CNTN6: variants seen among roughly 807,000 people sequenced by gnomAD.
CNTN6 encodes contactin 6.
Under a neutral mutation model 122.8 loss-of-function variants are expected in CNTN6, and 137 were observed. The ratio of observed to expected loss-of-function variants is 1.12; its 90% CI spans 0.97 to 1.29. CNTN6 has a LOEUF of 1.29. CNTN6 is among the 50% of genes most tolerant of loss of function. The probability of loss-of-function intolerance (pLI) is 0.00; values close to 1 mark genes in which losing one functional copy is unlikely to be tolerated. For synonymous variants in CNTN6, 570 were observed against 426.0 expected (o/e 1.34, Z -4.16); for missense variants, 1,634 against 1,223.4 (o/e 1.34, Z -5.01).
intron 5 of CNTN6, among the ~76,000 whole-genome samples, chr3:1,287,113 A>G (rs1694479714): frequency 6.6e-6 from 1 of 152,126 alleles, no homozygotes. Flanking sequence ...CTCCCACACA[A>G]TAATAGTGGG....
In CNTN6 at chr3:1,384,687, T is replaced by TACAC. The variant is rs1553710040; in HGVS notation, c.2518-913_2518-910dup. Among the ~76,000 whole-genome samples, 13 of 110,220 alleles carry TACAC rather than the reference T, an allele frequency of 1.2e-4. No individual in the cohort carries two copies. In the South Asian group the frequency reaches 2.9e-3, roughly 25 times the overall value. The allele number at this position is 110,220 out of a possible 152,430, so 72.3% of individuals were successfully genotyped here. A position where few individuals can be genotyped will look rare whatever the true frequency, so the allele number is the denominator to read the frequency against. Reference sequence around the variant, plus strand: ...TTGCCTATATATATATATATATATATACACACACACACACGTATACATATA... The same window carrying TACAC: ...TTGCCTATATATATATATATATATATACACACACACACACACACGTATACATATA... On this transcript the variant is annotated intron_variant, in intron 19 of 22. Coordinates refer to ENST00000446702, the MANE Select transcript of CNTN6 (RefSeq NM_001289080.2).
intron 14 of CNTN6, 66 bp from the exon 15 acceptor site, chr3:1,373,538 A>G (rs1709398618): frequency 1.3e-6 from 2 of 1,492,020 alleles, no homozygotes. Flanking sequence ...AAAATAAACC[A>G]TCCTAGTACC....
chr3:1,149,039 C>T (rs1201569358), intron 2 of CNTN6, among the ~76,000 whole-genome samples: 1 of 152,072 alleles, frequency 6.6e-6, no homozygotes, highest in African/African-American at 2.4e-5. Flanking sequence ...AGTCACAAGA[C>T]AAGTTCAGCT....
At chr3:1,266,639 G>T (rs2094930235) in intron 4 of CNTN6, among the ~76,000 whole-genome samples, 1 of 152,122 alleles carries the variant, frequency 6.6e-6, no homozygotes. Context: ...ATGAATAAAA[G>T]GGCTTATTAA....
chr3:1,219,834 G>A (rs936368511), intron 2 of CNTN6, among the ~76,000 whole-genome samples: 23 of 151,718 alleles, frequency 1.5e-4, no homozygotes, highest in Non-Finnish European at 8.8e-5. Context: ...TGGCAACATG[G>A]TGAAACACCA....
At chr3:1,257,161 T>A (rs1175694952) in intron 4 of CNTN6, among the ~76,000 whole-genome samples, 2 of 152,166 alleles carry the variant, frequency 1.3e-5, no homozygotes, top group Non-Finnish European at 2.9e-5. Context: ...ATTGGCAATT[T>A]AAAATTATTT....
At chr3:1,349,242 A>G (rs1170803618) in intron 11 of CNTN6, among the ~76,000 whole-genome samples, 6 of 151,840 alleles carry the variant, frequency 4.0e-5, no homozygotes, top group Non-Finnish European at 8.8e-5. Flanking sequence ...ATAATAATAT[A>G]CATATAATAT....
At chr3:1,119,354 G>GTGTGTGTGT (rs1339996215) in intron 1 of CNTN6, among the ~76,000 whole-genome samples, 10 of 8,816 alleles carry the variant, frequency 1.1e-3, no homozygotes, top group African/African-American at 2.9e-3. Context: ...TGTGTGTGTG[G>GTGTGTGTGT]AGAATGTCTC....
At chr3:1,270,257 C>T (rs1221269836) in intron 4 of CNTN6, among the ~76,000 whole-genome samples, 3 of 152,118 alleles carry the variant, frequency 2.0e-5, no homozygotes, top group South Asian at 2.1e-4. Flanking sequence ...AAAACAAAAT[C>T]ACTCAAGAAA....
At chr3:1,234,612 A>G (rs1018070168) in intron 4 of CNTN6, among the ~76,000 whole-genome samples, 1 of 152,192 alleles carries the variant, frequency 6.6e-6, no homozygotes, top group African/African-American at 2.4e-5. Context: ...AGTCTCCGAT[A>G]ATTGCGAAGT....
intron 2 of CNTN6, among the ~76,000 whole-genome samples, chr3:1,197,957 A>T (rs1575197664): frequency 6.6e-6 from 1 of 152,262 alleles, no homozygotes. Context: ...CATTAAAAAA[A>T]TTACTTTGAC....
intron 1 of CNTN6, among the ~76,000 whole-genome samples, chr3:1,120,560 A>G (rs1186126380): frequency 6.6e-6 from 1 of 151,898 alleles, no homozygotes; most frequent in Non-Finnish European, 1.5e-5. Flanking sequence ...TATATTTTAG[A>G]CACAACCTTC....
rs561178845 is a variant in CNTN6 at position 1,322,001 on chromosome 3, C to T, written c.946+167C>T. ...ATGATTAGCAGATGGGAATGACCAC[C>T]TTTAAAATATGGTTTTAATTTTAGC... On this transcript the variant is annotated intron_variant, in intron 8 of 22. Transcript: ENST00000446702. Among the ~76,000 whole-genome samples, 4 of 150,674 alleles carry T rather than the reference C, an allele frequency of 2.7e-5. No individual in the cohort carries two copies. The South Asian group carries it at 8.4e-4, about 32-fold the overall frequency.
At chr3:1,159,210 A>G (rs995157259) in intron 2 of CNTN6, among the ~76,000 whole-genome samples, 8 of 151,934 alleles carry the variant, frequency 5.3e-5, no homozygotes, top group Admixed American at 1.3e-4. Flanking sequence ...ATATGTGCCA[A>G]TCCTCCCAGT....
intron 20 of CNTN6, among the ~76,000 whole-genome samples, chr3:1,399,783 A>AG (rs1422374587): frequency 6.6e-6 from 1 of 152,142 alleles, no homozygotes; most frequent in East Asian, 1.9e-4. Context: ...GCACTGTGCT[A>AG]GGGGTTAGTA....
chr3:1,385,937 G>T, intron 20 of CNTN6, 140 bp downstream of exon 20: 2 of 706,948 alleles, frequency 2.8e-6, no homozygotes, highest in Non-Finnish European at 4.5e-6. Context: ...CTTAAATATG[G>T]ATACTTGTTG....
intron 20 of CNTN6, among the ~76,000 whole-genome samples, chr3:1,395,591 C>A (rs530401737): frequency 6.6e-6 from 1 of 152,096 alleles, no homozygotes; most frequent in Non-Finnish European, 1.5e-5. Flanking sequence ...TTCCCTTGTA[C>A]GGACCCTCCT....
chr3:1,245,314 A>AACATATATATAT (rs2094565758), intron 4 of CNTN6, among the ~76,000 whole-genome samples: 2 of 22,458 alleles, frequency 8.9e-5, no homozygotes, highest in African/African-American at 2.7e-4. Context: ...ATATATATAT[A>AACATATATATAT]TATATATATA....
chr3:1,243,326 G>A (rs1349428742), intron 4 of CNTN6, among the ~76,000 whole-genome samples: 2 of 152,182 alleles, frequency 1.3e-5, no homozygotes, highest in Non-Finnish European at 2.9e-5. Context: ...CGGTTCAGGT[G>A]TTTGGAAGTT....
Sources: allele counts gnomAD v4.1 joint callset (sites outside exome capture counted in the v4.1 genomes callset), GRCh38; gene constraint gnomAD v4.1.1; transcripts MANE v1.5; gene names NCBI Gene and HGNC (gene_info 2026-07-23, HGNC 2026-07-21).